Variants in CRKL observed in about 807,000 individuals in gnomAD.
CRKL encodes CRK like proto-oncogene, adaptor protein.
CRKL carries 3 observed loss-of-function variants against 23.0 expected under a neutral mutation model. The ratio of observed to expected loss-of-function variants is 0.13; its 90% CI spans 0.06 to 0.34. The LOEUF (loss-of-function observed/expected upper bound fraction) is 0.34, where lower values mean the gene tolerates loss of function less well. CRKL is among the 10% of genes least tolerant of loss of function. CRKL has a pLI of 1.00. For missense variants in CRKL, 256 were observed against 394.5 expected (o/e 0.65, Z 2.97); for synonymous variants, 188 against 160.7 (o/e 1.17, Z -1.28).
intron 2 of CRKL, among the ~76,000 whole-genome samples, chr22:20,942,614 A>G (rs1921920318): frequency 1.3e-5 from 2 of 151,578 alleles, no homozygotes; most frequent in South Asian, 4.2e-4. Context: ...CAAATGGGTA[A>G]TTCTGTGTTT....
Position 20,918,097 on chromosome 22 carries a change from A to G in CRKL, c.163A>G (p.Asn55Asp). The G allele has an allele frequency of 6.2e-7, 1 of 1,614,120 alleles. No homozygotes were observed. Residue 55 changes from asparagine to aspartate, a missense_variant, in exon 1 of 3, where the codon AAC (asparagine) becomes GAC (aspartate). This residue lies in a region of CRKL where 85 missense variants were observed against 139.8 expected (regional missense o/e 0.61). Transcript: ENST00000354336. ...PGDYVLSVSE[N>D]SRVSHYIINS... The stretch of plus-strand genomic sequence containing the variant: ...GGACTATGTGCTGTCGGTGTCCGAG[A>G]ACTCGCGGGTCTCCCACTACATCAT...
At chr22:20,943,624 C>T (rs1224317545) in intron 2 of CRKL, among the ~76,000 whole-genome samples, 1 of 152,164 alleles carries the variant, frequency 6.6e-6, no homozygotes, top group African/African-American at 2.4e-5. Flanking sequence ...CTTTCTTTTG[C>T]ATGTGGAAAT....
chr22:20,933,545 G>A (rs1429204973), intron 1 of CRKL, among the ~76,000 whole-genome samples: 1 of 151,972 alleles, frequency 6.6e-6, no homozygotes, highest in South Asian at 2.1e-4. Flanking sequence ...GTGGGCGCCT[G>A]TAATCCCAGC....
At position 20,929,662 on chromosome 22, in the gene CRKL, C is replaced by T. The variant is rs574044192; in HGVS notation, c.312-4117C>T. On this transcript the variant is annotated intron_variant, in intron 1 of 2. Coordinates refer to ENST00000354336, the MANE Select transcript of CRKL (RefSeq NM_005207.4). ...TATTTTAATAGTGACAGGGTTTTGT[C>T]ATGTTGGCCAGGTTGGTCTCAAACT... Among the ~76,000 whole-genome samples the T allele has an allele frequency of 5.3e-5, 8 of 151,922 alleles. No individual in the cohort carries two copies. The South Asian group carries it at 1.5e-3, about 28-fold the overall frequency.
chr22:20,950,094 A>C lies in CRKL; in HGVS notation c.*249A>C. The C allele has an allele frequency of 4.2e-6, 2 of 471,372 alleles. No homozygotes were observed. 29.2% of individuals were successfully genotyped at this position (471,372 alleles called of 1,614,324 possible). A position where few individuals can be genotyped will look rare whatever the true frequency, so the allele number is the denominator to read the frequency against. On this transcript the variant is annotated 3_prime_UTR_variant, in exon 3 of 3. Coordinates refer to ENST00000354336, the MANE Select transcript of CRKL (RefSeq NM_005207.4). ...GATCATAAACTGGAAATACTGATGG[A>C]AGCACACAAGTGGAGAGAAGTTGAC...
intron 2 of CRKL, among the ~76,000 whole-genome samples, chr22:20,945,729 G>A (rs547062147): frequency 1.3e-5 from 2 of 152,286 alleles, no homozygotes; most frequent in East Asian, 3.9e-4. Context: ...TCTGATTCAG[G>A]TGCAGGTGCA....
chr22:20,939,774 G>A lies in CRKL; in HGVS notation c.777+5530G>A, dbSNP rs569059223. Among the ~76,000 whole-genome samples the A allele has an allele frequency of 5.4e-5, 8 of 147,520 alleles. No individual in the cohort carries two copies. In the East Asian group the frequency reaches 1.6e-3, roughly 30 times the overall value. ...TTATTGGTCTTGTCATATGATCTGC[G>A]TACATCTCTGAATCCTTTTTTTTTT... On this transcript the variant is annotated intron_variant, in intron 2 of 2. Transcript: ENST00000354336.
chr22:20,949,600 T>C, intron 2 of CRKL, 111 bp from the exon 3 acceptor site: 1 of 1,427,880 alleles, frequency 7.0e-7, no homozygotes, highest in Non-Finnish European at 9.6e-7. Context: ...AGACCCTGTG[T>C]CTAAATAATA....
chr22:20,932,404 T>G (rs181538068), intron 1 of CRKL, among the ~76,000 whole-genome samples: 86 of 152,246 alleles, frequency 5.6e-4, no homozygotes, highest in African/African-American at 1.9e-3. Context: ...GTGGATTTAT[T>G]ATTTTTAATT....
At chr22:20,939,779 T>G (rs1921798559) in intron 2 of CRKL, among the ~76,000 whole-genome samples, 1 of 144,034 alleles carries the variant, frequency 6.9e-6, no homozygotes, top group African/African-American at 2.6e-5. Context: ...TCTGCGTACA[T>G]CTCTGAATCC....
intron 2 of CRKL, among the ~76,000 whole-genome samples, chr22:20,935,522 CT>C (rs11463804): frequency 2.2e-4 from 31 of 143,174 alleles, no homozygotes; most frequent in East Asian, 2.0e-4. Context: ...ATTTTCTTTT[CT>C]TTTTTTTTTT....
chr22:20,944,625 G>A (rs988256439), intron 2 of CRKL, among the ~76,000 whole-genome samples: 7 of 151,684 alleles, frequency 4.6e-5, no homozygotes, highest in Non-Finnish European at 8.8e-5. Context: ...GGATGGTCTC[G>A]ATCTCTTGAC....
intron 2 of CRKL, among the ~76,000 whole-genome samples, chr22:20,942,866 C>CCT (rs1259463151): frequency 6.6e-6 from 1 of 152,170 alleles, no homozygotes; most frequent in African/African-American, 2.4e-5. Flanking sequence ...TGATCGCTCA[C>CCT]CTCAGCCTCC....
intron 2 of CRKL, among the ~76,000 whole-genome samples, chr22:20,947,548 C>T (rs796331090): frequency 9.9e-5 from 15 of 151,808 alleles, no homozygotes; most frequent in African/African-American, 3.6e-4. Flanking sequence ...CCGTGTTGGC[C>T]ATGCTGGTCT....
Position 20,935,350 on chromosome 22 carries a change from C to T in CRKL, c.777+1106C>T, listed in dbSNP as rs184978426. On this transcript the variant is annotated intron_variant, in intron 2 of 2. Transcript: ENST00000354336. ...CTGGTTTTGAACTCCTGACCTCAGG[C>T]GATCTGCCTGCCTTGGCCTCCCAAA... 5.3e-3 allele frequency among the ~76,000 whole-genome samples: 786 copies of T among 148,160 alleles called. 4 individuals carry two copies. The highest frequency in any genetic ancestry group is 0.042 in the Middle Eastern group (11 of 260).
chr22:20,923,542 G>T (rs922541107), intron 1 of CRKL, among the ~76,000 whole-genome samples: 1 of 149,428 alleles, frequency 6.7e-6, no homozygotes, highest in Non-Finnish European at 1.5e-5. Flanking sequence ...CTCCCAAAGT[G>T]CTGGGATTAC....
intron 1 of CRKL, among the ~76,000 whole-genome samples, chr22:20,928,749 G>A (rs1290061015): frequency 6.9e-6 from 1 of 145,102 alleles, no homozygotes; most frequent in Non-Finnish European, 1.5e-5. Flanking sequence ...GGAGGTTGAG[G>A]CTGCAATGAG....
chr22:20,933,708 A>G (rs1488973158), intron 1 of CRKL, 71 bp from the exon 2 acceptor site: 13 of 1,225,066 alleles, frequency 1.1e-5, no homozygotes, highest in Non-Finnish European at 1.4e-5. Context: ...AGAGTGGTAT[A>G]TTAAGAAGTT....
intron 2 of CRKL, among the ~76,000 whole-genome samples, chr22:20,946,269 G>T (rs900309570): frequency 1.1e-4 from 16 of 152,192 alleles, no homozygotes; most frequent in Non-Finnish European, 2.1e-4. Context: ...CCAGATGCCA[G>T]TCAGTAGAGT....
Sources: gnomAD v4.1 joint callset for allele counts (sites outside exome capture counted in the v4.1 genomes callset) on GRCh38, gnomAD v4.1.1 for gene constraint, gnomAD v4.1.1 regional missense constraint, MANE v1.5 for transcripts, NCBI Gene and HGNC (gene_info 2026-07-23, HGNC 2026-07-21) for gene names.